PPARGC1B: variants seen among roughly 807,000 people sequenced by gnomAD.
The protein encoded by PPARGC1B is peroxisome proliferator-activated receptor gamma coactivator 1-beta.
In PPARGC1B, 34 loss-of-function variants were observed where a neutral mutation model predicts 101.6. The observed-to-expected ratio is 0.33, with a 90% CI of 0.25 to 0.45. PPARGC1B has a LOEUF of 0.45. Among genes scored for constraint, PPARGC1B ranks in the 20% least tolerant of loss-of-function variants. The pLI is 1.00. For synonymous variants in PPARGC1B, 548 were observed against 539.3 expected (o/e 1.02, Z -0.22); for missense variants, 1,234 against 1,317.6 (o/e 0.94, Z 0.98).
chr5:149,759,312 A>G (rs900134310), intron 1 of PPARGC1B, among the ~76,000 whole-genome samples: 1 of 152,174 alleles, frequency 6.6e-6, no homozygotes, highest in Non-Finnish European at 1.5e-5. Context: ...CTTGAGAGCC[A>G]GTTATGTTTT....
intron 1 of PPARGC1B, among the ~76,000 whole-genome samples, chr5:149,796,398 G>A (rs140058086): frequency 6.6e-6 from 1 of 152,346 alleles, no homozygotes; most frequent in East Asian, 1.9e-4. Context: ...AGAGGATGCT[G>A]GCAGGGTAGG....
rs566519514 is a variant in PPARGC1B at position 149,773,207 on chromosome 5, A to G, written c.78+42787A>G. Among the ~76,000 whole-genome samples, 4 of 152,280 alleles carry G rather than the reference A, an allele frequency of 2.6e-5. No homozygotes were observed. The South Asian group carries it at 8.3e-4, about 32-fold the overall frequency. ...CTGCAGTTCAGGTTGTGAGGCAAGG[A>G]CTGCTGTGGTCGTGTCTTGTGCAGC... On this transcript the variant is annotated intron_variant, in intron 1 of 11. Coordinates refer to ENST00000309241, the MANE Select transcript of PPARGC1B (RefSeq NM_133263.4).
At chr5:149,763,244 G>A (rs968091995) in intron 1 of PPARGC1B, among the ~76,000 whole-genome samples, 4 of 152,214 alleles carry the variant, frequency 2.6e-5, no homozygotes, top group South Asian at 2.1e-4. Flanking sequence ...GAGCTTCATC[G>A]TGGCCCCAGG....
At chr5:149,743,224 C>T (rs547700046) in intron 1 of PPARGC1B, among the ~76,000 whole-genome samples, 409 of 146,950 alleles carry the variant, frequency 2.8e-3, no homozygotes, top group Non-Finnish European at 4.5e-3. Flanking sequence ...GGTGTGATCT[C>T]GGCTCACTGC....
intron 1 of PPARGC1B, among the ~76,000 whole-genome samples, chr5:149,818,149 G>A (rs1159541637): frequency 1.3e-5 from 2 of 152,204 alleles, no homozygotes; most frequent in African/African-American, 4.8e-5. Flanking sequence ...GCGGTACCTG[G>A]GGGACCCAGA....
At chr5:149,803,712 GCCACCC>G (rs1378369093) in intron 1 of PPARGC1B, among the ~76,000 whole-genome samples, 6 of 152,142 alleles carry the variant, frequency 3.9e-5, no homozygotes, top group Non-Finnish European at 8.8e-5. Context: ...CTGCTGCAGT[GCCACCC>G]CCACCCCAGG....
At chr5:149,847,084 C>CA (rs879921257) in intron 11 of PPARGC1B, 16,038 of 275,290 alleles carry the variant, frequency 0.058, no homozygotes, top group South Asian at 0.099. Context: ...GACTGCATCT[C>CA]AAAAAAAAAA....
At chr5:149,736,044 A>G (rs1397724899) in intron 1 of PPARGC1B, among the ~76,000 whole-genome samples, 1 of 152,184 alleles carries the variant, frequency 6.6e-6, no homozygotes, top group Admixed American at 6.5e-5. Flanking sequence ...GAATTGCTTG[A>G]ACCCGGAGAA....
intron 1 of PPARGC1B, among the ~76,000 whole-genome samples, chr5:149,807,168 G>T (rs188829940): frequency 3.3e-5 from 5 of 150,714 alleles, no homozygotes; most frequent in Non-Finnish European, 7.4e-5. Context: ...GTTTTGCCAC[G>T]TTGCTCAGAC....
intron 1 of PPARGC1B, among the ~76,000 whole-genome samples, chr5:149,735,102 C>T (rs978071708): frequency 1.3e-5 from 2 of 152,226 alleles, no homozygotes; most frequent in African/African-American, 4.8e-5. Flanking sequence ...GCATAGCCTT[C>T]ACTGGGTGCA....
chr5:149,840,490 G>A (rs548409520), intron 9 of PPARGC1B, among the ~76,000 whole-genome samples: 156 of 152,192 alleles, frequency 1.0e-3, no homozygotes, highest in Non-Finnish European at 8.4e-4. Flanking sequence ...CCTTCTATGT[G>A]ACCGTGGGCA....
At chr5:149,746,748 CCTCT>C (rs1452028468) in intron 1 of PPARGC1B, among the ~76,000 whole-genome samples, 2 of 152,180 alleles carry the variant, frequency 1.3e-5, no homozygotes, top group Admixed American at 6.5e-5. Context: ...TTCTCCATAT[CCTCT>C]CTAACACTTC....
intron 6 of PPARGC1B, 97 bp from the exon 7 acceptor site, chr5:149,835,204 C>A: frequency 9.4e-7 from 1 of 1,068,222 alleles, no homozygotes; most frequent in Non-Finnish European, 1.4e-6. Flanking sequence ...GGAACCAGGG[C>A]CTGTCACAGC....
At chr5:149,793,653 T>C (rs1384026912) in intron 1 of PPARGC1B, among the ~76,000 whole-genome samples, 1 of 152,140 alleles carries the variant, frequency 6.6e-6, no homozygotes, top group Admixed American at 6.5e-5. Context: ...AGGTACAGCC[T>C]TACGCTTGGA....
intron 1 of PPARGC1B, among the ~76,000 whole-genome samples, chr5:149,802,829 C>T (rs987806513): frequency 2.6e-5 from 4 of 152,106 alleles, no homozygotes; most frequent in African/African-American, 7.2e-5. Context: ...GATTCTGATT[C>T]AGGAGGTCTG....
intron 1 of PPARGC1B, among the ~76,000 whole-genome samples, chr5:149,741,635 T>C (rs1470918706): frequency 6.6e-6 from 1 of 151,762 alleles, no homozygotes; most frequent in African/African-American, 2.4e-5. Context: ...TCTTTTTTTT[T>C]TTTTTTTCGT....
At position 149,801,055 on chromosome 5, in the gene PPARGC1B, G is replaced by A. The variant is rs978528039; in HGVS notation, c.79-19378G>A. On this transcript the variant is annotated intron_variant, in intron 1 of 11. Transcript: ENST00000309241. ...TCAGGGTTTGTCCCATGTGTATGGGGAATGAAGACCTAGGGGATGAGGAGA... is the reference window on the plus strand; with the variant it reads ...TCAGGGTTTGTCCCATGTGTATGGGAAATGAAGACCTAGGGGATGAGGAGA... Among the ~76,000 whole-genome samples, 3 of 152,162 alleles carry A rather than the reference G, an allele frequency of 2.0e-5. No individual in the cohort carries two copies. The East Asian group carries it at 5.8e-4, about 29-fold the overall frequency.
chr5:149,768,043 A>G (rs772719188), intron 1 of PPARGC1B, among the ~76,000 whole-genome samples: 2 of 151,622 alleles, frequency 1.3e-5, no homozygotes, highest in Non-Finnish European at 2.9e-5. Flanking sequence ...GTGACACCCA[A>G]AGTGGGTTGC....
chr5:149,847,396 C>T, intron 11 of PPARGC1B, 62 bp from the exon 12 acceptor site: 1 of 1,234,666 alleles, frequency 8.1e-7, no homozygotes, highest in Non-Finnish European at 1.2e-6. Flanking sequence ...CTTCAACCAT[C>T]CGGTCTTTGT....
Sources: gnomAD v4.1 joint callset for allele counts (sites outside exome capture counted in the v4.1 genomes callset) on GRCh38, gnomAD v4.1.1 for gene constraint, MANE v1.5 for transcripts, NCBI Gene and HGNC (gene_info 2026-07-23, HGNC 2026-07-21) for gene names.